The following PLB1 variants were observed in gnomAD, a reference collection of about 807,000 sequenced individuals.
PLB1 encodes phospholipase B1.
A neutral mutation model predicts 227.4 loss-of-function variants in PLB1; 242 were observed. That is an observed-to-expected ratio of 1.06 (90% CI 0.96 to 1.18). The LOEUF (loss-of-function observed/expected upper bound fraction) is 1.18. PLB1 is among the 50% of genes most tolerant of loss of function. The probability of loss-of-function intolerance (pLI) is 0.00; values close to 1 mark genes in which losing one functional copy is unlikely to be tolerated. For synonymous variants in PLB1, 757 were observed against 682.2 expected, an observed-to-expected ratio of 1.11 and a Z score of -1.71; for missense variants, 1,858 against 1,816.3, an observed-to-expected ratio of 1.02 and a Z score of -0.42.
intron 43 of PLB1, among the ~76,000 whole-genome samples, chr2:28,613,103 G>A (rs770287979): frequency 1.4e-4 from 21 of 151,906 alleles, no homozygotes; most frequent in Non-Finnish European, 2.9e-4. Context: ...TTTTTAATTT[G>A]TCGTAGAGAT....
chr2:28,563,911 T>G (rs1676437938), intron 18 of PLB1, among the ~76,000 whole-genome samples: 1 of 152,160 alleles, frequency 6.6e-6, no homozygotes, highest in South Asian at 2.1e-4. Context: ...TGTATCTTCA[T>G]GACAAAATCC....
chr2:28,573,167 A>G, intron 20 of PLB1, 30 bp from the exon 21 acceptor site: 1 of 1,554,350 alleles, frequency 6.4e-7, no homozygotes, highest in Non-Finnish European at 8.9e-7. Flanking sequence ...TGCAGTAGTC[A>G]CTAAGCGTGT....
chr2:28,612,415 A>T, intron 43 of PLB1, among the ~76,000 whole-genome samples: 1 of 152,096 alleles, frequency 6.6e-6, no homozygotes. Flanking sequence ...CTCTGGCCCC[A>T]GTTTGGCATT....
chr2:28,527,059 C>T (rs1670352935), intron 6 of PLB1, among the ~76,000 whole-genome samples: 1 of 152,084 alleles, frequency 6.6e-6, no homozygotes, highest in Non-Finnish European at 1.5e-5. Flanking sequence ...TAGGCTTGGC[C>T]CTGTTTGTCT....
intron 5 of PLB1, among the ~76,000 whole-genome samples, chr2:28,525,523 G>A (rs1026220085): frequency 5.9e-5 from 9 of 152,120 alleles, no homozygotes; most frequent in Non-Finnish European, 1.0e-4. Context: ...GGTCCTTGGG[G>A]TGAATGAGGA....
At chr2:28,563,128 G>T in intron 18 of PLB1, 29 bp downstream of exon 18, 1 of 1,592,442 alleles carries the variant, frequency 6.3e-7, no homozygotes, top group Non-Finnish European at 8.6e-7. Context: ...GAAGGGGCAG[G>T]AGGGGAAAAG....
At chr2:28,633,568 G>A (rs1284999130) in intron 56 of PLB1, among the ~76,000 whole-genome samples, 2 of 141,860 alleles carry the variant, frequency 1.4e-5, no homozygotes, top group Admixed American at 6.9e-5. Flanking sequence ...ATCGAAAAGT[G>A]GAGATCCACA....
intron 25 of PLB1, among the ~76,000 whole-genome samples, chr2:28,583,595 T>C (rs982469852): frequency 1.3e-5 from 2 of 152,172 alleles, no homozygotes; most frequent in Non-Finnish European, 2.9e-5. Flanking sequence ...ACGCAGTTTA[T>C]TCAGCATCCC....
intron 48 of PLB1, 94 bp from the exon 49 acceptor site, chr2:28,620,785 C>T: frequency 1.3e-6 from 2 of 1,484,114 alleles, no homozygotes; most frequent in Admixed American, 1.7e-5. Flanking sequence ...TCCTGTGTCC[C>T]ACCCATGTCC....
At position 28,563,023 on chromosome 2, in the gene PLB1, T is replaced by C. The variant is rs1676302459; in HGVS notation, c.1148-18T>C. 6.2e-7 allele frequency: 1 copy of C among 1,610,320 alleles called. No individual in the cohort carries two copies. The highest frequency in any genetic ancestry group is 1.3e-5 in the African/African-American group (1 of 74,814). ...CCTGGAAGCCCCATTTTCCACTCAC[T>C]CCTGCTTATATTCTTAGTTCATAGG... On this transcript the variant is annotated intron_variant, in intron 17 of 57. Transcript: ENST00000327757.
At chr2:28,608,421 G>C (rs905930321) in intron 43 of PLB1, among the ~76,000 whole-genome samples, 3 of 150,948 alleles carry the variant, frequency 2.0e-5, no homozygotes, top group South Asian at 2.1e-4. Context: ...AAGACGCAGT[G>C]GGGGGCGGGA....
At chr2:28,501,088 G>T (rs141043695) in intron 1 of PLB1, among the ~76,000 whole-genome samples, 17 of 152,318 alleles carry the variant, frequency 1.1e-4, no homozygotes, top group African/African-American at 3.6e-4. Context: ...GGCCCTTTCA[G>T]TGACAAAACT....
intron 23 of PLB1, among the ~76,000 whole-genome samples, chr2:28,580,195 C>A (rs1212380895): frequency 1.3e-5 from 2 of 152,324 alleles, no homozygotes; most frequent in African/African-American, 4.8e-5. Flanking sequence ...TGCGTGTCCT[C>A]CTGGAACCTC....
At chr2:28,639,552 G>A (rs1689749531) in intron 56 of PLB1, among the ~76,000 whole-genome samples, 1 of 152,184 alleles carries the variant, frequency 6.6e-6, no homozygotes. Flanking sequence ...CAAAGAAAGG[G>A]CAGGTGAAGG....
Position 28,565,260 on chromosome 2 carries a change from C to T in PLB1, c.1207-20C>T, listed in dbSNP as rs1454694815. On this transcript the variant is annotated intron_variant, in intron 18 of 57. Transcript: ENST00000327757. The stretch of plus-strand genomic sequence containing the variant: ...ACTGGGGAAAGCAGAGAAACTCACC[C>T]CCTCATTGTTCCCTCTCAGGCAGGC... The T allele has an allele frequency of 1.7e-5, 27 of 1,604,344 alleles. No homozygotes were observed. The highest frequency in any genetic ancestry group is 2.3e-5 in the Non-Finnish European group (27 of 1,174,750).
intron 1 of PLB1, among the ~76,000 whole-genome samples, chr2:28,505,525 G>A (rs1444668900): frequency 6.6e-6 from 1 of 152,152 alleles, no homozygotes; most frequent in Non-Finnish European, 1.5e-5. Context: ...TCATGCCTGT[G>A]GGAAAAACTT....
chr2:28,619,827 G>T (rs1396144487), intron 46 of PLB1, among the ~76,000 whole-genome samples: 1 of 152,156 alleles, frequency 6.6e-6, no homozygotes, highest in African/African-American at 2.4e-5. Flanking sequence ...ATTGGTGGTG[G>T]GATTTGGCTT....
intron 10 of PLB1, 144 bp downstream of exon 10, chr2:28,538,525 CA>C: frequency 1.4e-6 from 1 of 701,176 alleles, no homozygotes; most frequent in Non-Finnish European, 2.4e-6. Flanking sequence ...CCCATCTTCT[CA>C]TCCTTTCAAA....
At chr2:28,580,185 T>C (rs1254502871) in intron 23 of PLB1, among the ~76,000 whole-genome samples, 1 of 152,240 alleles carries the variant, frequency 6.6e-6, no homozygotes, top group Non-Finnish European at 1.5e-5. Flanking sequence ...CCATGGATGC[T>C]GCGTGTCCTC....
Sources: allele counts gnomAD v4.1 joint callset (sites outside exome capture counted in the v4.1 genomes callset), GRCh38; gene constraint gnomAD v4.1.1; transcripts MANE v1.5; gene names NCBI Gene and HGNC (gene_info 2026-07-23, HGNC 2026-07-21).